The following ADARB2 variants were observed in gnomAD, a reference collection of about 807,000 sequenced individuals.
The protein encoded by ADARB2 is adenosine deaminase RNA specific B2 (inactive), also known as inactive double-stranded RNA-specific editase B2.
A neutral mutation model predicts 62.2 loss-of-function variants in ADARB2; 25 were observed. That is an observed-to-expected ratio of 0.40 (90% CI 0.29 to 0.56). ADARB2 has a LOEUF of 0.56. Among genes scored for constraint, ADARB2 ranks in the 20% least tolerant of loss-of-function variants. The pLI is 0.43. For missense variants in ADARB2, 1,071 were observed against 1,077.4 expected, an observed-to-expected ratio of 0.99 and a Z score of 0.08; for synonymous variants, 572 against 500.8, an observed-to-expected ratio of 1.14 and a Z score of -1.90.
chr10:1,686,603 G>A (rs567074113), intron 1 of ADARB2, among the ~76,000 whole-genome samples: 45 of 152,254 alleles, frequency 3.0e-4, no homozygotes, highest in Admixed American at 2.2e-3. Context: ...CTGTGAACCC[G>A]CTGGGCTTCC....
intron 1 of ADARB2, among the ~76,000 whole-genome samples, chr10:1,566,773 C>T (rs900684161): frequency 3.3e-5 from 5 of 151,994 alleles, no homozygotes; most frequent in South Asian, 2.1e-4. Context: ...CTACATATAA[C>T]GATTTTAACT....
intron 1 of ADARB2, among the ~76,000 whole-genome samples, chr10:1,533,826 T>A (rs932762684): frequency 1.1e-4 from 17 of 152,112 alleles, no homozygotes; most frequent in African/African-American, 4.1e-4. Flanking sequence ...ACCCTCCCCC[T>A]CTGTCAGCGG....
chr10:1,351,787 T>C (rs1588228131), intron 3 of ADARB2, among the ~76,000 whole-genome samples: 1 of 152,068 alleles, frequency 6.6e-6, no homozygotes, highest in East Asian at 1.9e-4. Context: ...CAGCATGGCC[T>C]TTTAAAGCCT....
rs780418004 is a variant in ADARB2, at chr10:1,525,920, CGT to C, written c.101-146762_101-146761del. Among the ~76,000 whole-genome samples, 114 of 151,312 alleles carry C rather than the reference CGT, an allele frequency of 7.5e-4. 1 individual carries two copies. The highest frequency in any genetic ancestry group is 2.4e-3 in the Admixed American group (36 of 15,194). On this transcript the variant is annotated intron_variant, in intron 1 of 9. Transcript: ENST00000381312. Reference sequence around the variant, plus strand: ...GTGTGAGCGTGTATGCTCATGTGCACGTGTGTCTGTGTGTGAGCACGTATGGG... The same window carrying C: ...GTGTGAGCGTGTATGCTCATGTGCACGTGTCTGTGTGTGAGCACGTATGGG...
intron 3 of ADARB2, among the ~76,000 whole-genome samples, chr10:1,274,786 G>T (rs1264073408): frequency 6.6e-6 from 1 of 152,246 alleles, no homozygotes; most frequent in Non-Finnish European, 1.5e-5. Flanking sequence ...ACAGCAGGGG[G>T]TGGCAGAGAC....
chr10:1,334,743 AT>A (rs11343972), intron 3 of ADARB2, among the ~76,000 whole-genome samples: 66,458 of 151,934 alleles, frequency 0.44, 15,387 homozygotes, highest in African/African-American at 0.59. Flanking sequence ...TTAATGTTTG[AT>A]TTTTTTAAAG....
intron 1 of ADARB2, among the ~76,000 whole-genome samples, chr10:1,629,066 C>T (rs372784664): frequency 9.9e-5 from 15 of 152,214 alleles, no homozygotes; most frequent in East Asian, 9.6e-4. Flanking sequence ...TGAGGACAGG[C>T]GTGAAACTGG....
intron 1 of ADARB2, among the ~76,000 whole-genome samples, chr10:1,530,039 A>C (rs1298289000): frequency 1.4e-5 from 2 of 142,550 alleles, no homozygotes; most frequent in Admixed American, 1.4e-4. Context: ...CCACTACCTC[A>C]TGCCACCATG....
At chr10:1,278,146 A>G (rs552481249) in intron 3 of ADARB2, among the ~76,000 whole-genome samples, 2 of 151,660 alleles carry the variant, frequency 1.3e-5, no homozygotes, top group East Asian at 3.9e-4. Context: ...ATTTTAGTTT[A>G]TTTTGTACTT....
intron 1 of ADARB2, among the ~76,000 whole-genome samples, chr10:1,640,737 A>G (rs1833970993): frequency 6.6e-6 from 1 of 152,358 alleles, no homozygotes; most frequent in Admixed American, 6.5e-5. Context: ...CTGAAACACT[A>G]TTAAACTATG....
At chr10:1,532,375 C>CGTGGGAA (rs1169392603) in intron 1 of ADARB2, among the ~76,000 whole-genome samples, 1 of 152,180 alleles carries the variant, frequency 6.6e-6, no homozygotes, top group Non-Finnish European at 1.5e-5. Context: ...CCAACTTTCC[C>CGTGGGAA]CCGTGATCTC....
intron 1 of ADARB2, among the ~76,000 whole-genome samples, chr10:1,548,210 T>TCA (rs1832556132): frequency 6.6e-6 from 1 of 152,132 alleles, no homozygotes; most frequent in Non-Finnish European, 1.5e-5. Context: ...GCACACATTA[T>TCA]CACCATCATT....
At chr10:1,293,142 A>AGG (rs1564248694) in intron 3 of ADARB2, 1 of 78,822 alleles carries the variant, frequency 1.3e-5, no homozygotes, top group Admixed American at 1.6e-4. Context: ...GGAAGGAAAG[A>AGG]GAGAGGGAGA....
chr10:1,632,060 T>C (rs1833850848), intron 1 of ADARB2, among the ~76,000 whole-genome samples: 1 of 152,202 alleles, frequency 6.6e-6, no homozygotes, highest in Non-Finnish European at 1.5e-5. Flanking sequence ...TGCTGTTGAT[T>C]TTCAAAGGTA....
intron 1 of ADARB2, among the ~76,000 whole-genome samples, chr10:1,473,972 G>A (rs61831883): frequency 0.038 from 185 of 4,870 alleles, 3 homozygotes; most frequent in South Asian, 0.12. Context: ...TGCAGGAGAT[G>A]TGCCTTTCCT....
At chr10:1,226,197 C>G (rs183329084) in intron 6 of ADARB2, among the ~76,000 whole-genome samples, 1 of 152,222 alleles carries the variant, frequency 6.6e-6, no homozygotes, top group Admixed American at 6.5e-5. Flanking sequence ...TCCAGTTGAT[C>G]GCATTGGCTA....
chr10:1,332,845 G>A (rs1831942070), intron 3 of ADARB2, among the ~76,000 whole-genome samples: 1 of 152,252 alleles, frequency 6.6e-6, no homozygotes, highest in African/African-American at 2.4e-5. Context: ...AATTGATTAA[G>A]TTGTAAGAAT....
intron 1 of ADARB2, among the ~76,000 whole-genome samples, chr10:1,663,869 C>T (rs1309285944): frequency 2.6e-5 from 4 of 152,162 alleles, no homozygotes; most frequent in Non-Finnish European, 5.9e-5. Context: ...CTGCTTGCCT[C>T]GGACTCCCAA....
At chr10:1,438,786 A>G (rs1188389420) in intron 1 of ADARB2, among the ~76,000 whole-genome samples, 2 of 147,360 alleles carry the variant, frequency 1.4e-5, no homozygotes, top group Non-Finnish European at 3.0e-5. Flanking sequence ...GGATGGAGGC[A>G]GGCCCTTCAT....
Sources: allele counts gnomAD v4.1 joint callset (sites outside exome capture counted in the v4.1 genomes callset), GRCh38; gene constraint gnomAD v4.1.1; transcripts MANE v1.5; gene names NCBI Gene and HGNC (gene_info 2026-07-23, HGNC 2026-07-21).